The following UBAP2 variants were observed in gnomAD, a reference collection of about 807,000 sequenced individuals.
UBAP2 encodes ubiquitin-associated protein 2.
UBAP2 carries 75 observed loss-of-function variants against 139.6 expected under a neutral mutation model. That is an observed-to-expected ratio of 0.54 (90% CI 0.45 to 0.65). The LOEUF (loss-of-function observed/expected upper bound fraction) is 0.65. Among genes scored for constraint, UBAP2 ranks in the 30% least tolerant of loss-of-function variants. The pLI is 0.00. For missense variants in UBAP2, 1,368 were observed against 1,369.6 expected, an observed-to-expected ratio of 1.00 and a Z score of 0.02; for synonymous variants, 526 against 526.2, an observed-to-expected ratio of 1.00 and a Z score of 0.01.
At chr9:34,036,873 G>A (rs1046478033) in intron 1 of UBAP2, among the ~76,000 whole-genome samples, 2 of 145,920 alleles carry the variant, frequency 1.4e-5, no homozygotes, top group Non-Finnish European at 3.0e-5. Flanking sequence ...ACAGTGGTGC[G>A]ATCTCAGGTA....
intron 19 of UBAP2, 32 bp from the exon 20 acceptor site, chr9:33,928,024 T>C: frequency 6.3e-7 from 1 of 1,587,214 alleles, no homozygotes; most frequent in Non-Finnish European, 8.6e-7. Flanking sequence ...CACATGGATC[T>C]GGAGGCAGAG....
intron 1 of UBAP2, among the ~76,000 whole-genome samples, chr9:34,038,004 A>G (rs1826597686): frequency 6.6e-6 from 1 of 150,764 alleles, no homozygotes; most frequent in South Asian, 2.1e-4. Context: ...CTACAAAAAA[A>G]AAAAAAAAAA....
At chr9:33,988,365 T>A (rs531515653) in intron 5 of UBAP2, among the ~76,000 whole-genome samples, 138 of 152,300 alleles carry the variant, frequency 9.1e-4, no homozygotes, top group African/African-American at 3.2e-3. Flanking sequence ...TATTCTTTCA[T>A]AACTTAGCTA....
intron 16 of UBAP2, among the ~76,000 whole-genome samples, chr9:33,940,524 C>G (rs1443353701): frequency 6.6e-6 from 1 of 152,058 alleles, no homozygotes; most frequent in East Asian, 1.9e-4. Context: ...CCCTATAATC[C>G]CAGCACTTTG....
At chr9:34,019,419 AC>A (rs1824701082) in intron 1 of UBAP2, among the ~76,000 whole-genome samples, 1 of 152,082 alleles carries the variant, frequency 6.6e-6, no homozygotes, top group Non-Finnish European at 1.5e-5. Flanking sequence ...GTAAAAAAAA[AC>A]GGACAAATAC....
At chr9:34,001,549 A>T (rs1822704083) in intron 2 of UBAP2, among the ~76,000 whole-genome samples, 1 of 152,244 alleles carries the variant, frequency 6.6e-6, no homozygotes, top group Non-Finnish European at 1.5e-5. Flanking sequence ...GGCCTGCAAT[A>T]TAATCCCTGG....
At chr9:34,003,871 C>T (rs1822947058) in intron 2 of UBAP2, among the ~76,000 whole-genome samples, 1 of 152,024 alleles carries the variant, frequency 6.6e-6, no homozygotes, top group Admixed American at 6.6e-5. Flanking sequence ...AGGCACATGC[C>T]ACAATGCCCG....
At chr9:34,002,597 C>T (rs766494599) in intron 2 of UBAP2, among the ~76,000 whole-genome samples, 1 of 151,830 alleles carries the variant, frequency 6.6e-6, no homozygotes, top group Non-Finnish European at 1.5e-5. Context: ...AGGCTGGTCT[C>T]GAACTCCTGA....
chr9:34,013,892 GA>G (rs1208436645), intron 2 of UBAP2, among the ~76,000 whole-genome samples: 1 of 150,842 alleles, frequency 6.6e-6, no homozygotes, highest in East Asian at 2.0e-4. Context: ...AAAAAAGAAA[GA>G]AAAAAATTGC....
At chr9:33,932,340 A>G (rs307646) in intron 19 of UBAP2, among the ~76,000 whole-genome samples, 29,321 of 152,098 alleles carry the variant, frequency 0.19, 2,951 homozygotes, top group South Asian at 0.36. Context: ...TAAGGTCTGG[A>G]GCAATGATTC....
chr9:33,984,610 C>T (rs1465952586), intron 6 of UBAP2, among the ~76,000 whole-genome samples: 1 of 151,544 alleles, frequency 6.6e-6, no homozygotes, highest in African/African-American at 2.4e-5. Flanking sequence ...CCCAGGATTT[C>T]AAGGTTGCAG....
intron 1 of UBAP2, among the ~76,000 whole-genome samples, chr9:34,034,656 G>A (rs569972324): frequency 1.4e-4 from 22 of 151,914 alleles, no homozygotes; most frequent in African/African-American, 5.3e-4. Context: ...GGGCGGATCA[G>A]GAGGTCAGGA....
chr9:33,994,313 A>C (rs1821965317), intron 4 of UBAP2, among the ~76,000 whole-genome samples: 1 of 152,176 alleles, frequency 6.6e-6, no homozygotes, highest in South Asian at 2.1e-4. Flanking sequence ...TTAAAAATTC[A>C]CCAAACTACC....
chr9:34,000,645 G>A (rs976276647), intron 2 of UBAP2, among the ~76,000 whole-genome samples: 1 of 152,154 alleles, frequency 6.6e-6, no homozygotes, highest in African/African-American at 2.4e-5. Context: ...AGATCTTAGA[G>A]GAAGAAAAGC....
At chr9:33,982,307 T>C (rs541652085) in intron 6 of UBAP2, among the ~76,000 whole-genome samples, 48 of 152,272 alleles carry the variant, frequency 3.2e-4, no homozygotes, top group African/African-American at 1.0e-3. Context: ...ATGAAAGATA[T>C]ACTCTATAGG....
intron 5 of UBAP2, among the ~76,000 whole-genome samples, chr9:33,987,751 A>G (rs952228331): frequency 3.3e-5 from 5 of 152,218 alleles, no homozygotes; most frequent in African/African-American, 1.2e-4. Context: ...AACTACTTCC[A>G]TTATGCAACT....
At chr9:33,926,810 C>T in intron 21 of UBAP2, 146 bp from the exon 22 acceptor site, 7 of 1,024,790 alleles carry the variant, frequency 6.8e-6, no homozygotes, top group Non-Finnish European at 1.1e-5. Context: ...ACAGATCCTG[C>T]CTTCACGGAG....
chr9:33,975,153 C>T (rs1225890482), intron 6 of UBAP2, among the ~76,000 whole-genome samples: 4 of 151,994 alleles, frequency 2.6e-5, no homozygotes, highest in African/African-American at 7.3e-5. Context: ...TGTTGGCGGC[C>T]GGGCGTGGTG....
intron 4 of UBAP2, chr9:33,994,975 G>A (rs892157378): frequency 6.6e-6 from 1 of 152,120 alleles, no homozygotes; most frequent in African/African-American, 2.4e-5. Context: ...CCAAGGAAAG[G>A]TAGTTATTGA....
Sources: gnomAD v4.1 joint callset for allele counts (sites outside exome capture counted in the v4.1 genomes callset) on GRCh38, gnomAD v4.1.1 for gene constraint, MANE v1.5 for transcripts, NCBI Gene and HGNC (gene_info 2026-07-23, HGNC 2026-07-21) for gene names.